Variants in LINGO1 observed in about 807,000 individuals in gnomAD.
LINGO1 encodes leucine-rich repeat and immunoglobulin-like domain-containing nogo receptor-interacting protein 1.
Under a neutral mutation model 37.3 loss-of-function variants are expected in LINGO1, and 11 were observed. The ratio of observed to expected loss-of-function variants is 0.29; its 90% confidence interval spans 0.19 to 0.49. LINGO1 has a LOEUF of 0.49. LINGO1 is among the 20% of genes least tolerant of loss of function. LINGO1 has a pLI of 0.99. For missense variants in LINGO1, 585 were observed against 878.2 expected (o/e 0.67, Z 4.22); for synonymous variants, 387 against 403.0 (o/e 0.96, Z 0.48).
At chr15:77,699,502 C>T (rs998576611), upstream of LINGO1, among the ~76,000 whole-genome samples, 6 of 42,662 alleles carry the variant, frequency 1.4e-4, no homozygotes, top group Non-Finnish European at 2.9e-4. Context: ...CATCTCCACA[C>T]ACAATAAGCA....
At position 77,615,792 on chromosome 15, in the gene LINGO1, C is replaced by A; in HGVS notation, c.115G>T (p.Ala39Ser). 2.6e-6 allele frequency: 4 copies of A among 1,564,670 alleles called. No individual in the cohort carries two copies. Among genetic ancestry groups the A allele is most frequent in the Non-Finnish European group, 3.4e-6 (4 of 1,162,592 alleles). The change falls in exon 2 of 2, where the codon GCC (alanine) becomes TCC (serine). Residue 39 changes from alanine to serine, a missense_variant. Ala to Ser is a moderately conservative substitution (Grantham distance 99, BLOSUM62 1). Coordinates refer to ENST00000355300, the MANE Select transcript of LINGO1 (RefSeq NM_032808.7). Reference protein sequence around the residue: ...LVLGSVLSGSATGCPPRCECS... With the variant: ...LVLGSVLSGSSTGCPPRCECS... ...TCGCAGCGGGGCGGGCAGCCCGTGG[C>A]CGAGCCTGACAGCACTGAGCCCAGC...
rs770988098 is a variant in LINGO1, at chr15:77,614,808, C to T, written c.1099G>A (p.Asp367Asn). 6.2e-7 allele frequency: 1 copy of T among 1,611,252 alleles called. No homozygotes were observed. The highest frequency in any genetic ancestry group is 1.1e-5 in the South Asian group (1 of 90,458). ...SVGNLETLIL[D>N]SNPLACDCRL... ...CAGTCGCAGGCCAGCGGGTTGGAGT[C>T]CAGGATGAGTGTCTCCAGGTTGCCC... is the stretch of plus-strand genomic sequence containing the variant. The change falls in exon 2 of 2, where the codon GAC becomes AAC. Residue 367 changes from aspartate to asparagine, a missense_variant. Asp to Asn is a conservative substitution (Grantham distance 23, BLOSUM62 1). This residue lies in a region of LINGO1 where 484 missense variants were observed against 735.0 expected (regional missense o/e 0.66). Coordinates refer to ENST00000355300, the MANE Select transcript of LINGO1 (RefSeq NM_032808.7).
intron 1 of LINGO1, among the ~76,000 whole-genome samples, chr15:77,745,798 T>C (rs1428130799): frequency 6.6e-6 from 1 of 152,092 alleles, no homozygotes; most frequent in Non-Finnish European, 1.5e-5. Flanking sequence ...GGGCAAACTT[T>C]GCCATATTCC....
intron 3 of LINGO1, among the ~76,000 whole-genome samples, chr15:77,640,758 G>T (rs915785975): frequency 1.3e-5 from 2 of 152,196 alleles, no homozygotes; most frequent in African/African-American, 2.4e-5. Context: ...TGGGGGAGGA[G>T]GGTGAAGGCG....
chr15:77,751,431 G>C (rs1190342624), intron 1 of LINGO1, among the ~76,000 whole-genome samples: 1 of 152,178 alleles, frequency 6.6e-6, no homozygotes, highest in African/African-American at 2.4e-5. Context: ...GAGAAATTTA[G>C]AATACCAGAA....
chr15:77,808,089 C>T (rs2076974945), intron 1 of LINGO1, among the ~76,000 whole-genome samples: 1 of 152,010 alleles, frequency 6.6e-6, no homozygotes, highest in South Asian at 2.1e-4. Flanking sequence ...CTGCCCCCTG[C>T]TCGCTCACCC....
intron 1 of LINGO1, among the ~76,000 whole-genome samples, chr15:77,783,802 G>C (rs2076744932): frequency 6.6e-6 from 1 of 152,214 alleles, no homozygotes; most frequent in African/African-American, 2.4e-5. Flanking sequence ...CCAAATCCAG[G>C]CTCGCCTGAC....
At chr15:77,723,205 C>G (rs1242254747) in intron 2 of LINGO1, among the ~76,000 whole-genome samples, 1 of 150,808 alleles carries the variant, frequency 6.6e-6, no homozygotes, top group Non-Finnish European at 1.5e-5. Flanking sequence ...AAGACAGCCA[C>G]AGAGCAGTGA....
chr15:77,742,798 G>A (rs1219976393), intron 1 of LINGO1, among the ~76,000 whole-genome samples: 1 of 152,242 alleles, frequency 6.6e-6, no homozygotes, highest in Non-Finnish European at 1.5e-5. Flanking sequence ...GGCAGAGACT[G>A]TAGAAGAGAG....
intron 1 of LINGO1, among the ~76,000 whole-genome samples, chr15:77,808,269 A>G (rs1329269355): frequency 2.6e-5 from 4 of 152,078 alleles, no homozygotes; most frequent in Non-Finnish European, 5.9e-5. Context: ...ATGCTCCCCA[A>G]TGTGGCACAC....
chr15:77,738,064 C>A (rs1274265951), intron 1 of LINGO1, among the ~76,000 whole-genome samples: 1 of 152,176 alleles, frequency 6.6e-6, no homozygotes, highest in South Asian at 2.1e-4. Context: ...TTTCCCTCAG[C>A]CTTGACTTCT....
rs2076909128 is a variant in LINGO1, at chr15:77,800,473, C to A, written c.-457-4420G>T. On this transcript the variant is annotated intron_variant, in intron 1 of 5. Coordinates refer to the LINGO1 transcript ENST00000562933. Reference sequence around the variant, plus strand: ...TAGAGAGCTGAAGATGGATATGGAGCCGAAGATGGAGATGGAGCATGGACG... The same window carrying A: ...TAGAGAGCTGAAGATGGATATGGAGACGAAGATGGAGATGGAGCATGGACG... Among the ~76,000 whole-genome samples, 3 of 152,156 alleles carry A rather than the reference C, an allele frequency of 2.0e-5. No individual in the cohort carries two copies. The South Asian group carries it at 6.2e-4, about 32-fold the overall frequency.
At chr15:77,812,524 C>T (rs563080269) in intron 1 of LINGO1, among the ~76,000 whole-genome samples, 2 of 152,312 alleles carry the variant, frequency 1.3e-5, no homozygotes, top group South Asian at 4.1e-4. Flanking sequence ...GCTCCAACTC[C>T]CCCTCCTCCC....
intron 1 of LINGO1, among the ~76,000 whole-genome samples, chr15:77,626,642 G>T (rs2142562054): frequency 6.6e-6 from 1 of 152,338 alleles, no homozygotes; most frequent in East Asian, 1.9e-4. Flanking sequence ...TCTCTAAGGA[G>T]CTTATCAAGG....
intron 1 of LINGO1, among the ~76,000 whole-genome samples, chr15:77,767,820 A>G (rs973883682): frequency 1.3e-5 from 2 of 152,218 alleles, no homozygotes; most frequent in African/African-American, 4.8e-5. Context: ...ATCAGAGTAC[A>G]TTACATAGCT....
chr15:77,629,652 C>T (rs1486331953), intron 1 of LINGO1, among the ~76,000 whole-genome samples: 3 of 152,188 alleles, frequency 2.0e-5, no homozygotes, highest in African/African-American at 4.8e-5. Context: ...TAGTCCTTGC[C>T]GCTAGCCAAT....
intron 1 of LINGO1, 64 bp from the exon 2 acceptor site, chr15:77,615,964 A>AC: frequency 8.5e-7 from 1 of 1,174,114 alleles, no homozygotes; most frequent in South Asian, 1.8e-5. Context: ...TCTGGATGCC[A>AC]CCCCAAGCCA....
intron 3 of LINGO1, among the ~76,000 whole-genome samples, chr15:77,644,447 A>G (rs1250471797): frequency 6.6e-6 from 1 of 152,194 alleles, no homozygotes; most frequent in African/African-American, 2.4e-5. Context: ...CCCTGGTTCC[A>G]GGGGTCCCCA....
At chr15:77,660,068 G>C (rs904145448) in intron 3 of LINGO1, 17 of 152,374 alleles carry the variant, frequency 1.1e-4, no homozygotes, top group African/African-American at 4.1e-4. Flanking sequence ...AGACCATTCT[G>C]AAGAGGAGGA....
Sources: allele counts gnomAD v4.1 joint callset (sites outside exome capture counted in the v4.1 genomes callset), GRCh38; gene constraint gnomAD v4.1.1; regional missense constraint gnomAD v4.1.1; transcripts MANE v1.5; gene names NCBI Gene and HGNC (gene_info 2026-07-23, HGNC 2026-07-21).